The following TRAPPC9 variants were observed in gnomAD, a reference collection of about 807,000 sequenced individuals.
The protein encoded by TRAPPC9 is trafficking protein particle complex subunit 9, also known as IKK2 binding protein.
TRAPPC9 carries 83 observed loss-of-function variants against 124.0 expected under a neutral mutation model. The observed-to-expected ratio is 0.67, with a 90% CI of 0.56 to 0.80. The LOEUF is 0.80. TRAPPC9 is among the 30% of genes least tolerant of loss of function. The probability of loss-of-function intolerance (pLI) is 0.00; values close to 1 mark genes in which losing one functional copy is unlikely to be tolerated. For missense variants in TRAPPC9, 1,302 were observed against 1,508.3 expected (o/e 0.86, Z 2.27); for synonymous variants, 638 against 617.5 (o/e 1.03, Z -0.49).
chr8:140,116,657 A>C (rs2060892461), intron 17 of TRAPPC9, among the ~76,000 whole-genome samples: 1 of 152,220 alleles, frequency 6.6e-6, no homozygotes, highest in Non-Finnish European at 1.5e-5. Flanking sequence ...AAAGACAATA[A>C]ATGCTTGCTG....
chr8:140,329,228 A>G (rs182810372), intron 9 of TRAPPC9, among the ~76,000 whole-genome samples: 44 of 152,304 alleles, frequency 2.9e-4, no homozygotes, highest in African/African-American at 9.6e-4. Flanking sequence ...GTTCGAGATG[A>G]GACTCAAGAG....
rs576343925 is a variant in TRAPPC9, at chr8:139,773,433, G to T, written c.3056-41231C>A. On this transcript the variant is annotated intron_variant, in intron 21 of 22. Transcript: ENST00000438773. ...GGCAGTGCAGCAGACGGCACTGGGTGGGGGAATCAGCAGCCTGAACAGGCG... is the reference window on the plus strand; with the variant it reads ...GGCAGTGCAGCAGACGGCACTGGGTTGGGGAATCAGCAGCCTGAACAGGCG... Among the ~76,000 whole-genome samples the T allele has an allele frequency of 1.2e-4, 19 of 152,354 alleles. No individual in the cohort carries two copies. In the South Asian group the frequency reaches 3.7e-3, roughly 30 times the overall value.
At chr8:139,855,821 A>T (rs575021076) in intron 21 of TRAPPC9, among the ~76,000 whole-genome samples, 116 of 152,352 alleles carry the variant, frequency 7.6e-4, no homozygotes, top group African/African-American at 2.6e-3. Flanking sequence ...TATAAAGCTC[A>T]TAAGACTGGC....
intron 21 of TRAPPC9, among the ~76,000 whole-genome samples, chr8:139,851,059 T>C (rs1002377518): frequency 6.6e-6 from 1 of 152,178 alleles, no homozygotes; most frequent in Non-Finnish European, 1.5e-5. Flanking sequence ...GCACATCAGC[T>C]CAGCTCCCAA....
At chr8:139,762,385 C>A (rs868447226) in intron 21 of TRAPPC9, among the ~76,000 whole-genome samples, 2 of 152,226 alleles carry the variant, frequency 1.3e-5, no homozygotes, top group African/African-American at 4.8e-5. Flanking sequence ...CTGAGAAATG[C>A]GTCATTAGGC....
chr8:140,404,522 T>G (rs1292665537), intron 6 of TRAPPC9, among the ~76,000 whole-genome samples: 3 of 152,096 alleles, frequency 2.0e-5, no homozygotes, highest in Non-Finnish European at 4.4e-5. Context: ...GCAAGCAGGA[T>G]TTTAGAAAAC....
chr8:139,923,118 G>A (rs550471920), intron 19 of TRAPPC9, among the ~76,000 whole-genome samples: 53 of 106,938 alleles, frequency 5.0e-4, no homozygotes, highest in African/African-American at 1.6e-3. Context: ...CATCCGTTCC[G>A]GAGGTGAATG....
chr8:139,820,851 G>A (rs1192277192), intron 21 of TRAPPC9, among the ~76,000 whole-genome samples: 1 of 152,040 alleles, frequency 6.6e-6, no homozygotes, highest in Non-Finnish European at 1.5e-5. Flanking sequence ...AACAAAACAA[G>A]GATCTATCTT....
At chr8:140,093,565 G>A (rs1473120899) in intron 17 of TRAPPC9, among the ~76,000 whole-genome samples, 1 of 152,026 alleles carries the variant, frequency 6.6e-6, no homozygotes, top group African/African-American at 2.4e-5. Context: ...CTACTCAGGA[G>A]GCTGAGGCAG....
At chr8:139,762,811 G>A (rs139949234) in intron 21 of TRAPPC9, among the ~76,000 whole-genome samples, 47 of 152,266 alleles carry the variant, frequency 3.1e-4, no homozygotes, top group Non-Finnish European at 6.6e-4. Flanking sequence ...TCTCAGCTGC[G>A]GGACCTTCAG....
At chr8:140,416,626 G>A (rs975846410) in intron 5 of TRAPPC9, among the ~76,000 whole-genome samples, 28 of 152,156 alleles carry the variant, frequency 1.8e-4, no homozygotes, top group Middle Eastern at 3.2e-3. Context: ...TCAATATCAT[G>A]AAAATGGTCA....
intron 17 of TRAPPC9, among the ~76,000 whole-genome samples, chr8:140,197,299 T>C (rs147985950): frequency 9.8e-5 from 15 of 152,354 alleles, no homozygotes; most frequent in African/African-American, 3.6e-4. Context: ...CGAGCCGATG[T>C]TAACATAAGA....
At chr8:140,412,623 T>C (rs1436191846) in intron 5 of TRAPPC9, among the ~76,000 whole-genome samples, 1 of 152,146 alleles carries the variant, frequency 6.6e-6, no homozygotes, top group Non-Finnish European at 1.5e-5. Context: ...AAAAAAAACT[T>C]TGTATATGCA....
chr8:140,225,877 T>C (rs917321953), intron 16 of TRAPPC9, among the ~76,000 whole-genome samples: 1 of 152,224 alleles, frequency 6.6e-6, no homozygotes, highest in African/African-American at 2.4e-5. Flanking sequence ...GCTCCCATCC[T>C]TCGCAAATTA....
Position 139,732,038 on chromosome 8 carries a change from T to C in TRAPPC9, c.3220A>G (p.Asn1074Asp), listed in dbSNP as rs762135474. 1.1e-5 allele frequency: 18 copies of C among 1,604,588 alleles called. No homozygotes were observed. The Admixed American group carries it at 2.0e-4, about 18-fold the overall frequency. The part of the protein sequence containing the change: ...PFQDHQNGVH[N>D]YDLHDTVSFV... The stretch of plus-strand genomic sequence containing the variant: ...GAGACGGTGTCGTGCAGGTCGTAGT[T>C]GTGCACGCCGTTCTGGTGGTCCTGG... The change falls in exon 22 of 23, where the codon AAC becomes GAC. Residue 1074 changes from asparagine (N) to aspartate (D), a missense_variant. Coordinates refer to ENST00000438773, the MANE Select transcript of TRAPPC9 (RefSeq NM_001160372.4).
At chr8:140,250,865 T>C (rs2064116283) in intron 16 of TRAPPC9, among the ~76,000 whole-genome samples, 1 of 152,098 alleles carries the variant, frequency 6.6e-6, no homozygotes, top group Non-Finnish European at 1.5e-5. Context: ...GTGACCATAA[T>C]TCAAGGCCTG....
At chr8:140,423,354 C>T (rs1444899588) in intron 5 of TRAPPC9, among the ~76,000 whole-genome samples, 3 of 152,030 alleles carry the variant, frequency 2.0e-5, no homozygotes, top group Admixed American at 6.6e-5. Context: ...GCAGGAGAAT[C>T]GCTTGAACCC....
At chr8:140,195,552 A>C (rs1487239109) in intron 17 of TRAPPC9, among the ~76,000 whole-genome samples, 1 of 152,008 alleles carries the variant, frequency 6.6e-6, no homozygotes, top group African/African-American at 2.4e-5. Flanking sequence ...CACCTGTGAC[A>C]CTAAAACACA....
intron 21 of TRAPPC9, among the ~76,000 whole-genome samples, chr8:139,811,201 T>C (rs1234547048): frequency 6.6e-6 from 1 of 152,098 alleles, no homozygotes. Context: ...TCTTGGAAAT[T>C]AAAAATTAAA....
Sources: allele counts gnomAD v4.1 joint callset (sites outside exome capture counted in the v4.1 genomes callset), GRCh38; gene constraint gnomAD v4.1.1; transcripts MANE v1.5; gene names NCBI Gene and HGNC (gene_info 2026-07-23, HGNC 2026-07-21).